Variants in ESR1 observed in about 807,000 individuals in gnomAD.
ESR1 encodes estrogen receptor.
A neutral mutation model predicts 52.7 loss-of-function variants in ESR1; 12 were observed. The observed-to-expected ratio is 0.23, with a 90% CI of 0.15 to 0.37. ESR1 has a LOEUF of 0.37. Among genes scored for constraint, ESR1 ranks in the 10% least tolerant of loss-of-function variants. The probability of loss-of-function intolerance (pLI) is 1.00; values close to 1 mark genes in which losing one functional copy is unlikely to be tolerated. For missense variants in ESR1, 584 were observed against 779.7 expected (o/e 0.75, Z 2.99); for synonymous variants, 305 against 316.8 (o/e 0.96, Z 0.39).
chr6:151,912,674 C>G (rs568385172), intron 3 of ESR1, among the ~76,000 whole-genome samples: 1 of 152,214 alleles, frequency 6.6e-6, no homozygotes, highest in African/African-American at 2.4e-5. Context: ...ATATCAGGAA[C>G]AATAAGAGCG....
In ESR1 at chr6:151,798,488, C is replaced by G. The variant is rs574661975; in HGVS notation, c.-70-9355C>G. On this transcript the variant is annotated intron_variant, in intron 2 of 2. Transcript: ENST00000404742. Reference sequence around the variant, plus strand: ...TACAAAAACCTACTGACAAGTGTCACTAAAAGTGATGTCTTTATTCAATTA... The same window carrying G: ...TACAAAAACCTACTGACAAGTGTCAGTAAAAGTGATGTCTTTATTCAATTA... 3.3e-5 allele frequency among the ~76,000 whole-genome samples: 5 copies of G among 152,304 alleles called. No homozygotes were observed. The East Asian group carries it at 9.7e-4, about 29-fold the overall frequency.
intron 1 of ESR1, among the ~76,000 whole-genome samples, chr6:151,839,493 A>G (rs1222700826): frequency 2.0e-5 from 3 of 152,226 alleles, no homozygotes; most frequent in African/African-American, 7.2e-5. Flanking sequence ...TTCTGGGTAT[A>G]TATCTAAAAG....
upstream of ESR1, among the ~76,000 whole-genome samples, chr6:151,803,130 C>T (rs777143973): frequency 6.6e-6 from 1 of 152,092 alleles, no homozygotes; most frequent in African/African-American, 2.4e-5. Context: ...TTAACATGGC[C>T]AGGGACAGTG....
chr6:151,745,025 T>G (rs1783383517), intron 2 of ESR1, among the ~76,000 whole-genome samples: 1 of 152,232 alleles, frequency 6.6e-6, no homozygotes. Flanking sequence ...CAGCTCTCCC[T>G]GCTCTTAGCT....
intron 4 of ESR1, among the ~76,000 whole-genome samples, chr6:151,990,750 G>A (rs1290523415): frequency 3.3e-5 from 5 of 152,090 alleles, no homozygotes; most frequent in Admixed American, 6.6e-5. Context: ...ACGAAATGAC[G>A]TCTTCTCAAC....
chr6:152,022,045 G>A (rs891032464), intron 5 of ESR1, among the ~76,000 whole-genome samples: 1 of 152,106 alleles, frequency 6.6e-6, no homozygotes, highest in African/African-American at 2.4e-5. Flanking sequence ...CTAATACACT[G>A]CATGCTCAGT....
chr6:151,675,226 G>T (rs537582263), intron 1 of ESR1, among the ~76,000 whole-genome samples: 1 of 152,096 alleles, frequency 6.6e-6, no homozygotes, highest in Non-Finnish European at 1.5e-5. Context: ...TACTAATTAC[G>T]TGCGTATTCA....
At chr6:151,829,859 C>G (rs1003166349) in intron 1 of ESR1, among the ~76,000 whole-genome samples, 1 of 152,152 alleles carries the variant, frequency 6.6e-6, no homozygotes. Context: ...GAGTATGAGT[C>G]AGTCTAGATC....
At chr6:151,969,420 A>C (rs1224771193) in intron 4 of ESR1, among the ~76,000 whole-genome samples, 1 of 152,142 alleles carries the variant, frequency 6.6e-6, no homozygotes, top group Non-Finnish European at 1.5e-5. Context: ...TTTCTAAATG[A>C]GCCATTGAGA....
chr6:151,696,702 T>C (rs1200624415), intron 1 of ESR1, among the ~76,000 whole-genome samples: 1 of 152,134 alleles, frequency 6.6e-6, no homozygotes, highest in Non-Finnish European at 1.5e-5. Context: ...GATATGTGAC[T>C]ATTACAGAGT....
At chr6:152,019,763 G>A (rs761873568) in intron 5 of ESR1, among the ~76,000 whole-genome samples, 10 of 152,000 alleles carry the variant, frequency 6.6e-5, no homozygotes, top group Non-Finnish European at 1.2e-4. Flanking sequence ...ATTTATTACC[G>A]CCACCTGTCC....
chr6:152,065,398 C>A (rs2047887584), intron 6 of ESR1, among the ~76,000 whole-genome samples: 1 of 152,160 alleles, frequency 6.6e-6, no homozygotes, highest in Non-Finnish European at 1.5e-5. Context: ...GAATCCACCT[C>A]TATCAGAAAA....
chr6:152,036,302 G>A (rs1287604227), intron 5 of ESR1, among the ~76,000 whole-genome samples: 1 of 152,186 alleles, frequency 6.6e-6, no homozygotes, highest in Non-Finnish European at 1.5e-5. Flanking sequence ...GGAGCTTGCA[G>A]TGAGCTGAAA....
chr6:151,850,064 A>ATATATATATAATTT (rs1786196935), intron 2 of ESR1, among the ~76,000 whole-genome samples: 1 of 112,946 alleles, frequency 8.9e-6, no homozygotes, highest in Non-Finnish European at 1.8e-5. Flanking sequence ...ATATAATTTT[A>ATATATATATAATTT]TATATATATA....
intron 2 of ESR1, among the ~76,000 whole-genome samples, chr6:151,772,549 T>C (rs905476859): frequency 6.6e-6 from 1 of 152,128 alleles, no homozygotes; most frequent in African/African-American, 2.4e-5. Flanking sequence ...CAGACAGACA[T>C]TGTCTACTTT....
At chr6:151,747,020 T>C (rs543077339) in intron 2 of ESR1, among the ~76,000 whole-genome samples, 1 of 152,388 alleles carries the variant, frequency 6.6e-6, no homozygotes, top group African/African-American at 2.4e-5. Context: ...AAGCTATCCA[T>C]TCTTAGGTTG....
chr6:151,856,705 A>C (rs930983306), intron 2 of ESR1, among the ~76,000 whole-genome samples: 1 of 152,152 alleles, frequency 6.6e-6, no homozygotes, highest in African/African-American at 2.4e-5. Flanking sequence ...CAAAATATGA[A>C]TCTAGGTCCC....
intron 1 of ESR1, among the ~76,000 whole-genome samples, chr6:151,823,333 T>C (rs1477770066): frequency 6.6e-5 from 10 of 152,122 alleles, no homozygotes. Flanking sequence ...TTATTATTGA[T>C]TATAACAGAT....
At chr6:151,899,501 A>ATGGGG (rs1796255206) in intron 3 of ESR1, among the ~76,000 whole-genome samples, 1 of 135,850 alleles carries the variant, frequency 7.4e-6, no homozygotes, top group Admixed American at 7.3e-5. Flanking sequence ...TCCCTCCCGG[A>ATGGGG]CGGGGCGGCT....
Sources: allele counts gnomAD v4.1 joint callset (sites outside exome capture counted in the v4.1 genomes callset), GRCh38; gene constraint gnomAD v4.1.1; transcripts MANE v1.5; gene names NCBI Gene and HGNC (gene_info 2026-07-23, HGNC 2026-07-21).